Variants in HCN1 observed in about 807,000 individuals in gnomAD.
HCN1 encodes potassium/sodium hyperpolarization-activated cyclic nucleotide-gated channel 1.
Under a neutral mutation model 78.9 loss-of-function variants are expected in HCN1, and 13 were observed. That is an observed-to-expected ratio of 0.16 (90% confidence interval 0.11 to 0.26). HCN1 has a LOEUF of 0.26. HCN1 is among the 10% of genes least tolerant of loss of function. HCN1 has a pLI of 1.00. For missense variants in HCN1, 810 were observed against 1,154.3 expected (o/e 0.70, Z 4.32); for synonymous variants, 552 against 455.5 (o/e 1.21, Z -2.70).
At position 45,530,414 on chromosome 5, in the gene HCN1, A is replaced by G. The variant is rs59224347; in HGVS notation, c.850-68407T>C. Among the ~76,000 whole-genome samples, 88 of 149,020 alleles carry G rather than the reference A, an allele frequency of 5.9e-4. 1 individual carries two copies. The highest frequency in any genetic ancestry group is 2.0e-3 in the African/African-American group (80 of 40,894). On this transcript the variant is annotated intron_variant, in intron 2 of 7. Coordinates refer to ENST00000303230, the MANE Select transcript of HCN1 (RefSeq NM_021072.4). ...GGCTTGGGGAAATGATTGTGTTTTT[A>G]TATATATATATATACATATATAGTT...
At chr5:45,374,033 TACATA>T in intron 4 of HCN1, among the ~76,000 whole-genome samples, 1 of 95,432 alleles carries the variant, frequency 1.0e-5, no homozygotes, top group African/African-American at 4.2e-5. Context: ...ATATATTATA[TACATA>T]ATATATATTA....
At chr5:45,449,119 T>C (rs957156456) in intron 3 of HCN1, among the ~76,000 whole-genome samples, 1 of 152,086 alleles carries the variant, frequency 6.6e-6, no homozygotes, top group East Asian at 1.9e-4. Context: ...AAAATCGTTT[T>C]ATTTAGTTGG....
intron 2 of HCN1, among the ~76,000 whole-genome samples, chr5:45,465,285 ATTATTT>A (rs945116148): frequency 3.3e-5 from 5 of 152,130 alleles, no homozygotes; most frequent in African/African-American, 1.2e-4. Context: ...AAACTTCACT[ATTATTT>A]TCCATCTTCT....
In HCN1 at chr5:45,507,302, G is replaced by T. The variant is rs567308928; in HGVS notation, c.850-45295C>A. On this transcript the variant is annotated intron_variant, in intron 2 of 7. Transcript: ENST00000303230. ...TGCCTATCTATTGGAGAGGAACACA[G>T]CCAAGTTCCAATTCATCACTGCTAT... 1.4e-3 allele frequency among the ~76,000 whole-genome samples: 219 copies of T among 152,198 alleles called. 3 individuals are homozygous for T. The highest frequency in any genetic ancestry group is 5.2e-3 in the African/African-American group (216 of 41,528).
intron 2 of HCN1, among the ~76,000 whole-genome samples, chr5:45,628,436 G>C (rs548515158): frequency 2.4e-4 from 36 of 152,066 alleles, no homozygotes; most frequent in African/African-American, 8.7e-4. Flanking sequence ...CAAAGGAAAA[G>C]ATAGAACAAA....
chr5:45,493,019 A>G (rs1741923915), intron 2 of HCN1, among the ~76,000 whole-genome samples: 1 of 152,088 alleles, frequency 6.6e-6, no homozygotes, highest in Non-Finnish European at 1.5e-5. Context: ...AAATATAGAG[A>G]GAATCATTCT....
At chr5:45,694,307 T>A (rs1005638803) in intron 1 of HCN1, among the ~76,000 whole-genome samples, 1 of 152,200 alleles carries the variant, frequency 6.6e-6, no homozygotes, top group African/African-American at 2.4e-5. Context: ...TACCTTAAAA[T>A]TATACACTTT....
At chr5:45,310,948 G>T (rs1367026029) in intron 5 of HCN1, among the ~76,000 whole-genome samples, 2 of 152,118 alleles carry the variant, frequency 1.3e-5, no homozygotes, top group African/African-American at 4.8e-5. Flanking sequence ...TCACTTACAA[G>T]TGGTTGCTAA....
chr5:45,683,018 C>T (rs1258852544), intron 1 of HCN1, among the ~76,000 whole-genome samples: 2 of 152,034 alleles, frequency 1.3e-5, no homozygotes, highest in African/African-American at 4.8e-5. Flanking sequence ...AATTTACAGT[C>T]TTTAGTGTCA....
intron 1 of HCN1, among the ~76,000 whole-genome samples, chr5:45,682,181 T>C (rs1739712965): frequency 6.6e-6 from 1 of 151,610 alleles, no homozygotes; most frequent in African/African-American, 2.4e-5. Flanking sequence ...CAGAAATAAA[T>C]TTCTGTTGTT....
At chr5:45,317,858 C>T (rs550782600) in intron 5 of HCN1, among the ~76,000 whole-genome samples, 1 of 152,144 alleles carries the variant, frequency 6.6e-6, no homozygotes, top group South Asian at 2.1e-4. Context: ...ATCAAAACCA[C>T]AATGAGATAC....
At chr5:45,412,342 C>T (rs1053351618) in intron 3 of HCN1, among the ~76,000 whole-genome samples, 1 of 151,996 alleles carries the variant, frequency 6.6e-6, no homozygotes, top group Non-Finnish European at 1.5e-5. Flanking sequence ...CCCAGGCTGG[C>T]CTAGAAGAAG....
intron 4 of HCN1, among the ~76,000 whole-genome samples, chr5:45,373,432 G>C (rs1212244103): frequency 7.6e-6 from 1 of 131,744 alleles, no homozygotes; most frequent in Non-Finnish European, 1.6e-5. Flanking sequence ...ATATCCCTCA[G>C]ATATACATCA....
intron 2 of HCN1, chr5:45,480,044 T>C (rs1741614086): frequency 6.6e-6 from 1 of 152,638 alleles, no homozygotes; most frequent in Admixed American, 6.5e-5. Flanking sequence ...GGGCTCATAC[T>C]GCCATGCTCG....
chr5:45,679,274 G>C (rs960755774), intron 1 of HCN1, among the ~76,000 whole-genome samples: 1 of 151,944 alleles, frequency 6.6e-6, no homozygotes, highest in African/African-American at 2.4e-5. Flanking sequence ...CCTGTCATAG[G>C]GTTGCTCTAA....
chr5:45,552,099 C>T (rs2111857077), intron 2 of HCN1, among the ~76,000 whole-genome samples: 1 of 152,020 alleles, frequency 6.6e-6, no homozygotes, highest in South Asian at 2.1e-4. Context: ...GTGGTTAACA[C>T]AAGCAGATTC....
At chr5:45,661,342 A>T (rs1188243407) in intron 1 of HCN1, among the ~76,000 whole-genome samples, 1 of 149,630 alleles carries the variant, frequency 6.7e-6, no homozygotes. Context: ...AATGCCTACA[A>T]GAGAAAGCAG....
intron 3 of HCN1, among the ~76,000 whole-genome samples, chr5:45,421,309 G>T (rs375840855): frequency 4.6e-5 from 7 of 151,974 alleles, no homozygotes; most frequent in East Asian, 3.9e-4. Context: ...TGATCCACCC[G>T]CCTGGGCCTC....
chr5:45,638,463 T>G (rs984752774), intron 2 of HCN1, among the ~76,000 whole-genome samples: 4 of 152,230 alleles, frequency 2.6e-5, no homozygotes, highest in African/African-American at 9.6e-5. Flanking sequence ...AGATCTTATA[T>G]TCTGACATTT....
Sources: allele counts gnomAD v4.1 joint callset (sites outside exome capture counted in the v4.1 genomes callset), GRCh38; gene constraint gnomAD v4.1.1; transcripts MANE v1.5; gene names NCBI Gene and HGNC (gene_info 2026-07-23, HGNC 2026-07-21).